The following CFTR variants were observed in gnomAD, a reference collection of about 807,000 sequenced individuals.
CFTR encodes the protein CF transmembrane conductance regulator, also known as cystic fibrosis transmembrane conductance regulator.
A neutral mutation model predicts 171.6 loss-of-function variants in CFTR; 181 were observed. That is an observed-to-expected ratio of 1.05 (90% CI 0.93 to 1.19). The LOEUF (loss-of-function observed/expected upper bound fraction) is 1.19. Among genes scored for constraint, CFTR ranks in the 50% most tolerant of loss-of-function variants. CFTR has a pLI of 0.00. For missense variants in CFTR, 1,968 were observed against 1,734.7 expected, an observed-to-expected ratio of 1.13 and a Z score of -2.39; for synonymous variants, 583 against 608.0, an observed-to-expected ratio of 0.96 and a Z score of 0.60.
chr7:117,643,066 AT>A (rs940335126), intron 23 of CFTR, among the ~76,000 whole-genome samples: 2 of 150,932 alleles, frequency 1.3e-5, no homozygotes, highest in Admixed American at 6.6e-5. Flanking sequence ...GTCTGTAACT[AT>A]TTTTTTTTAA....
intron 3 of CFTR, among the ~76,000 whole-genome samples, chr7:117,530,008 G>A (rs1798833399): frequency 6.6e-6 from 1 of 152,156 alleles, no homozygotes; most frequent in Non-Finnish European, 1.5e-5. Context: ...GACCTCCTGA[G>A]TTCAAAATCC....
intron 24 of CFTR, among the ~76,000 whole-genome samples, chr7:117,660,936 G>A (rs902813015): frequency 2.0e-5 from 3 of 151,980 alleles, no homozygotes; most frequent in Admixed American, 2.0e-4. Flanking sequence ...GTCTGTCAGA[G>A]TACCTAGAAT....
Position 117,666,997 on chromosome 7 carries a change from C to T in CFTR, c.4332C>T (p.Ser1444=), listed in dbSNP as rs779359608. The part of the protein sequence containing the change: ...RSLFRQAISP[S]DRVKLFPHRN... ...TCTTCCGGCAAGCCATCAGCCCCTC[C>T]GACAGGGTGAAGCTCTTTCCCCACC... is the stretch of plus-strand genomic sequence containing the variant. The change falls in exon 27 of 27, where the codon TCC becomes TCT. Residue 1444 remains serine (S), a synonymous_variant. Coordinates refer to ENST00000003084, the MANE Select transcript of CFTR (RefSeq NM_000492.4). 22 of 1,613,916 alleles carry T rather than the reference C, an allele frequency of 1.4e-5. No individual in the cohort carries two copies. The highest frequency in any genetic ancestry group is 3.3e-5 in the South Asian group (3 of 91,072).
At chr7:117,582,479 G>A (rs970190335) in intron 11 of CFTR, among the ~76,000 whole-genome samples, 6 of 152,080 alleles carry the variant, frequency 3.9e-5, no homozygotes, top group Non-Finnish European at 5.9e-5. Flanking sequence ...CAGGGTACAC[G>A]CAACCTGGAA....
intron 11 of CFTR, among the ~76,000 whole-genome samples, chr7:117,569,525 A>G (rs2115968703): frequency 6.6e-6 from 1 of 152,346 alleles, no homozygotes; most frequent in East Asian, 1.9e-4. Context: ...TTCAACATAT[A>G]CAAATGCGCT....
At chr7:117,612,031 A>ATATATATATG (rs1562915074) in intron 20 of CFTR, among the ~76,000 whole-genome samples, 4 of 75,116 alleles carry the variant, frequency 5.3e-5, no homozygotes, top group African/African-American at 2.3e-4. Flanking sequence ...ATGTATATAT[A>ATATATATATG]TATATATATA....
At chr7:117,541,673 G>A (rs1315971544) in intron 8 of CFTR, among the ~76,000 whole-genome samples, 2 of 152,042 alleles carry the variant, frequency 1.3e-5, no homozygotes, top group Non-Finnish European at 2.9e-5. Flanking sequence ...GTCCAATGTT[G>A]GATTAAGGCA....
At chr7:117,542,179 C>T (rs1421389452) in intron 9 of CFTR, 71 bp downstream of exon 9, 3 of 777,586 alleles carry the variant, frequency 3.9e-6, no homozygotes, top group African/African-American at 3.4e-5. Context: ...TGGATTTCAT[C>T]CTAATGGCGA....
chr7:117,645,677 G>A (rs903604508), intron 23 of CFTR, among the ~76,000 whole-genome samples: 1 of 151,862 alleles, frequency 6.6e-6, no homozygotes, highest in Non-Finnish European at 1.5e-5. Context: ...GTGAATTTGG[G>A]GTTTTTGACT....
In CFTR at chr7:117,592,676, G is replaced by T. The variant is rs368353825; in HGVS notation, c.2490+19G>T. 1.9e-5 allele frequency: 28 copies of T among 1,498,102 alleles called. No individual in the cohort carries two copies. Among genetic ancestry groups the T allele is most frequent in the Non-Finnish European group, 2.5e-5 (28 of 1,129,406 alleles). The allele number at this position is 1,498,102 out of a possible 1,614,324, so 92.8% of individuals were successfully genotyped here. A position where few individuals can be genotyped will look rare whatever the true frequency, so the allele number is the denominator to read the frequency against. On this transcript the variant is annotated intron_variant, in intron 14 of 26. Transcript: ENST00000003084. ...CTTAAAGGTAGGTATACATCGCTTG[G>T]GGGTATTTCACCCCACAGAATGCAA...
At chr7:117,653,743 C>A (rs1793121559) in intron 24 of CFTR, among the ~76,000 whole-genome samples, 1 of 152,172 alleles carries the variant, frequency 6.6e-6, no homozygotes, top group African/African-American at 2.4e-5. Flanking sequence ...TTAACTTGTT[C>A]CAGCATCAAC....
At chr7:117,510,793 G>A (rs1395352149) in intron 3 of CFTR, among the ~76,000 whole-genome samples, 4 of 152,048 alleles carry the variant, frequency 2.6e-5, no homozygotes, top group Non-Finnish European at 2.9e-5. Flanking sequence ...TGATATAGAA[G>A]AATTTAATAT....
At chr7:117,562,604 T>C (rs1436629130) in intron 11 of CFTR, among the ~76,000 whole-genome samples, 1 of 152,176 alleles carries the variant, frequency 6.6e-6, no homozygotes, top group Non-Finnish European at 1.5e-5. Flanking sequence ...TGTGAGTATC[T>C]TATGCCAGAC....
At chr7:117,586,390 A>G (rs1341469026) in intron 11 of CFTR, 2 of 152,128 alleles carry the variant, frequency 1.3e-5, no homozygotes, top group Non-Finnish European at 2.9e-5. Context: ...CTCCTCCAAC[A>G]TGTCAGCATT....
intron 11 of CFTR, among the ~76,000 whole-genome samples, chr7:117,582,722 G>T (rs774054092): frequency 4.6e-5 from 7 of 152,288 alleles, no homozygotes; most frequent in Non-Finnish European, 1.0e-4. Context: ...GGTTATAATT[G>T]AAATGGACAG....
intron 11 of CFTR, among the ~76,000 whole-genome samples, chr7:117,561,608 A>G (rs1447489902): frequency 6.6e-6 from 1 of 152,318 alleles, no homozygotes; most frequent in East Asian, 1.9e-4. Context: ...CTAAAGAAGA[A>G]TAAGGTAAGG....
intron 11 of CFTR, among the ~76,000 whole-genome samples, chr7:117,566,293 G>C (rs1200981641): frequency 7.1e-6 from 1 of 139,998 alleles, no homozygotes; most frequent in African/African-American, 2.6e-5. Context: ...ACACTAGCCA[G>C]GCGTGGTGGT....
chr7:117,493,186 A>G (rs534758998), intron 1 of CFTR, among the ~76,000 whole-genome samples: 2 of 152,104 alleles, frequency 1.3e-5, no homozygotes, highest in Non-Finnish European at 2.9e-5. Context: ...TCTCCAAATT[A>G]TCATCATTTG....
At chr7:117,614,904 A>G (rs570066218) in intron 21 of CFTR, among the ~76,000 whole-genome samples, 191 bp downstream of exon 21, 6 of 152,214 alleles carry the variant, frequency 3.9e-5, no homozygotes, top group East Asian at 3.9e-4. Context: ...GATAGCCACT[A>G]TGAAGATCTA....
Sources: allele counts gnomAD v4.1 joint callset (sites outside exome capture counted in the v4.1 genomes callset), GRCh38; gene constraint gnomAD v4.1.1; transcripts MANE v1.5; gene names NCBI Gene and HGNC (gene_info 2026-07-23, HGNC 2026-07-21).